Variants in SLC38A6 observed in about 807,000 individuals in gnomAD.
SLC38A6 encodes the protein solute carrier family 38 member 6, also known as N system amino acid transporter NAT-1.
A neutral mutation model predicts 65.0 loss-of-function variants in SLC38A6; 73 were observed. The ratio of observed to expected loss-of-function variants is 1.12; its 90% CI spans 0.93 to 1.37. The LOEUF (loss-of-function observed/expected upper bound fraction) is 1.37, where lower values mean the gene tolerates loss of function less well. Among genes scored for constraint, SLC38A6 ranks in the 40% most tolerant of loss-of-function variants. The probability of loss-of-function intolerance (pLI) is 0.00; values close to 1 mark genes in which losing one functional copy is unlikely to be tolerated. For synonymous variants in SLC38A6, 183 were observed against 178.8 expected, an observed-to-expected ratio of 1.02 and a Z score of -0.19; for missense variants, 561 against 531.1, an observed-to-expected ratio of 1.06 and a Z score of -0.55.
intron 4 of SLC38A6, among the ~76,000 whole-genome samples, 156 bp downstream of exon 4, chr14:61,016,112 A>AAG (rs1411269445): frequency 1.3e-5 from 2 of 152,188 alleles, no homozygotes; most frequent in African/African-American, 4.8e-5. Flanking sequence ...CAGGCAAAGA[A>AAG]AGAGAAGTCT....
intron 4 of SLC38A6, among the ~76,000 whole-genome samples, chr14:61,016,274 C>A: frequency 6.6e-6 from 1 of 152,098 alleles, no homozygotes; most frequent in East Asian, 1.9e-4. Context: ...ATTATGTACT[C>A]ATATGAGTAA....
chr14:60,994,552 A>C lies in SLC38A6; in HGVS notation c.310+9749A>C, dbSNP rs2139733839. Among the ~76,000 whole-genome samples the C allele has an allele frequency of 1.3e-5, 2 of 152,072 alleles. 1 individual carries two copies. The highest frequency in any genetic ancestry group is 3.9e-4 in the East Asian group (2 of 5,164). ...AAGAGCAAAACTCCGTCTCAGAAAA[A>C]AATTAGCTGGGCATGATGGCGGGCA... On this transcript the variant is annotated intron_variant, in intron 3 of 15. Coordinates refer to ENST00000267488, the MANE Select transcript of SLC38A6 (RefSeq NM_153811.3).
intron 3 of SLC38A6, among the ~76,000 whole-genome samples, chr14:61,012,587 T>G (rs958376174): frequency 6.6e-6 from 1 of 151,666 alleles, no homozygotes; most frequent in African/African-American, 2.4e-5. Context: ...TGTTGTGTCT[T>G]TGTTCTTGTT....
intron 5 of SLC38A6, among the ~76,000 whole-genome samples, chr14:61,022,488 T>G (rs2040396308): frequency 6.7e-6 from 1 of 149,414 alleles, no homozygotes; most frequent in Non-Finnish European, 1.5e-5. Context: ...TATATACAGT[T>G]TTATTATAAT....
chr14:60,987,025 T>TTTTTTC (rs1235128637), intron 3 of SLC38A6: 2 of 413,244 alleles, frequency 4.8e-6, no homozygotes, highest in Admixed American at 5.9e-5. Context: ...GTTTCTCTTC[T>TTTTTTC]TTTTTCTTTT....
At chr14:61,041,371 T>G (rs796896136) in intron 8 of SLC38A6, among the ~76,000 whole-genome samples, 25 of 152,344 alleles carry the variant, frequency 1.6e-4, no homozygotes, top group African/African-American at 6.0e-4. Context: ...AACTGAACTG[T>G]CTATTAATAT....
chr14:61,065,008 T>C (rs1233313696), intron 15 of SLC38A6, among the ~76,000 whole-genome samples: 4 of 152,156 alleles, frequency 2.6e-5, no homozygotes, highest in African/African-American at 9.7e-5. Context: ...ACACCTCTGC[T>C]TGTGCTATAT....
In SLC38A6 at chr14:60,990,116, G is replaced by A. The variant is rs74716431; in HGVS notation, c.310+5313G>A. ...GTGATTTTGGCTCACTGTAACCTCC[G>A]TCCTGCAGGGTTCAAGCGATTCTCC... On this transcript the variant is annotated intron_variant, in intron 3 of 15. Transcript: ENST00000267488. Among the ~76,000 whole-genome samples the A allele has an allele frequency of 7.4e-3, 1,116 of 151,560 alleles. 7 individuals are homozygous for A. The highest frequency in any genetic ancestry group is 0.021 in the Middle Eastern group (6 of 292).
chr14:60,996,986 G>C (rs1408688106), intron 3 of SLC38A6, among the ~76,000 whole-genome samples: 1 of 152,152 alleles, frequency 6.6e-6, no homozygotes, highest in Non-Finnish European at 1.5e-5. Context: ...GTGAACAATA[G>C]AGTATACCCT....
At chr14:60,984,198 ATTTAG>A (rs768155035) in intron 2 of SLC38A6, among the ~76,000 whole-genome samples, 65 of 152,314 alleles carry the variant, frequency 4.3e-4, no homozygotes, top group African/African-American at 1.5e-3. Flanking sequence ...CATTATTTTA[ATTTAG>A]TTTGGTTTGG....
At chr14:61,066,911 C>T (rs1594781297) in intron 15 of SLC38A6, among the ~76,000 whole-genome samples, 1 of 152,038 alleles carries the variant, frequency 6.6e-6, no homozygotes, top group East Asian at 1.9e-4. Context: ...CTAATTCATT[C>T]AGCAAATTCT....
At chr14:61,079,229 C>T (rs930494800) in intron 16 of SLC38A6, among the ~76,000 whole-genome samples, 1 of 150,992 alleles carries the variant, frequency 6.6e-6, no homozygotes, top group Admixed American at 6.6e-5. Context: ...CTCTGCCTCC[C>T]GGGTTCAAGC....
intron 3 of SLC38A6, among the ~76,000 whole-genome samples, chr14:61,007,755 A>G (rs1339256766): frequency 6.6e-6 from 1 of 152,118 alleles, no homozygotes; most frequent in Admixed American, 6.5e-5. Context: ...ATAATATGGA[A>G]CAAAATTACC....
chr14:61,034,496 G>T (rs933668892), intron 6 of SLC38A6, among the ~76,000 whole-genome samples: 1 of 152,044 alleles, frequency 6.6e-6, no homozygotes, highest in Non-Finnish European at 1.5e-5. Context: ...ACTCCTTTGG[G>T]CATTTTTCCT....
chr14:61,075,688 T>A (rs1006020371), intron 15 of SLC38A6, among the ~76,000 whole-genome samples: 4 of 151,988 alleles, frequency 2.6e-5, no homozygotes, highest in African/African-American at 9.7e-5. Flanking sequence ...TTCTAACATT[T>A]CCCCTTACGG....
chr14:60,994,459 C>T (rs1014149243), intron 3 of SLC38A6, among the ~76,000 whole-genome samples: 4 of 152,102 alleles, frequency 2.6e-5, no homozygotes, highest in Admixed American at 6.5e-5. Context: ...GCAGGAGAAT[C>T]GCTTGAACCC....
chr14:61,066,114 C>A (rs1375165837), intron 15 of SLC38A6, among the ~76,000 whole-genome samples: 1 of 152,156 alleles, frequency 6.6e-6, no homozygotes, highest in Non-Finnish European at 1.5e-5. Context: ...GACCTTAGAA[C>A]ATTTCAGAAT....
intron 3 of SLC38A6, among the ~76,000 whole-genome samples, chr14:61,014,041 C>G (rs527860579): frequency 6.6e-6 from 1 of 152,182 alleles, no homozygotes; most frequent in South Asian, 2.1e-4. Context: ...TAGATTTGGT[C>G]TTTTCACATA....
intron 6 of SLC38A6, among the ~76,000 whole-genome samples, chr14:61,035,230 A>C (rs879177586): frequency 6.6e-6 from 1 of 152,120 alleles, no homozygotes; most frequent in African/African-American, 2.4e-5. Flanking sequence ...GCTACGATAA[A>C]GAAAATTGAG....
Sources: gnomAD v4.1 joint callset for allele counts (sites outside exome capture counted in the v4.1 genomes callset) on GRCh38, gnomAD v4.1.1 for gene constraint, MANE v1.5 for transcripts, NCBI Gene and HGNC (gene_info 2026-07-23, HGNC 2026-07-21) for gene names.